The following PC variants were observed in gnomAD, a reference collection of about 807,000 sequenced individuals.
PC encodes pyruvate carboxylase, also known as pyruvate carboxylase, mitochondrial.
A neutral mutation model predicts 107.8 loss-of-function variants in PC; 46 were observed. The observed-to-expected ratio is 0.43, with a 90% CI of 0.34 to 0.55. The LOEUF (loss-of-function observed/expected upper bound fraction) is 0.55, where lower values mean the gene tolerates loss of function less well. PC is among the 20% of genes least tolerant of loss of function. The pLI, the probability that PC is intolerant of heterozygous loss-of-function variation, is 0.04. For missense variants in PC, 1,241 were observed against 1,643.1 expected (o/e 0.76, Z 4.23); for synonymous variants, 662 against 684.7 (o/e 0.97, Z 0.52).
At chr11:66,863,671 GGCT>G in intron 12 of PC, 100 bp downstream of exon 12, 1 of 1,252,796 alleles carries the variant, frequency 8.0e-7, no homozygotes, top group Non-Finnish European at 1.1e-6. Flanking sequence ...TCAGGGGCAA[GGCT>G]GAGGTGAAGC....
chr11:66,849,393 C>CA (rs1565208158), intron 21 of PC, 23 bp from the exon 22 acceptor site: 1 of 1,611,524 alleles, frequency 6.2e-7, no homozygotes. Flanking sequence ...TGTGCAGACT[C>CA]AGAGCTGGAC....
intron 3 of PC, among the ~76,000 whole-genome samples, chr11:66,911,766 C>A (rs188060868): frequency 1.3e-3 from 195 of 152,278 alleles, no homozygotes; most frequent in African/African-American, 4.5e-3. Flanking sequence ...GGCATGGCGG[C>A]TCACACCTGT....
At chr11:66,886,455 C>T (rs907139049) in intron 3 of PC, among the ~76,000 whole-genome samples, 4 of 143,920 alleles carry the variant, frequency 2.8e-5, no homozygotes, top group African/African-American at 8.0e-5. Flanking sequence ...CAACTGAGAG[C>T]TCAGGACCAC....
In PC at chr11:66,871,558, C is replaced by A. The variant is rs978200232; in HGVS notation, c.322-78G>T. The A allele has an allele frequency of 1.9e-6, 3 of 1,597,430 alleles. No individual in the cohort carries two copies. Among genetic ancestry groups the A allele is most frequent in the Admixed American group, 1.7e-5 (1 of 59,926 alleles). On this transcript the variant is annotated intron_variant, in intron 5 of 22. Coordinates refer to ENST00000393960, the MANE Select transcript of PC (RefSeq NM_001040716.2). This position sits in a 1 kb window ranked among gnomAD's most constrained non-coding sequence, Gnocchi z 7.4. ...TCGGCCAGCCTCTTCCCCTGCCTAA[C>A]CTGCTGAGCTGCATCCGTTTACCCA...
chr11:66,849,500 G>A (rs1945341370), intron 21 of PC, 111 bp downstream of exon 21: 1 of 1,605,882 alleles, frequency 6.2e-7, no homozygotes, highest in South Asian at 1.1e-5. Context: ...CCGGTCTCAA[G>A]GGTCCTTTCT....
chr11:66,877,559 C>T (rs1026446206), intron 3 of PC, among the ~76,000 whole-genome samples: 8 of 152,292 alleles, frequency 5.3e-5, no homozygotes, highest in Non-Finnish European at 1.2e-4. Flanking sequence ...GGCATGGTGG[C>T]GGGTTATGCC....
intron 3 of PC, among the ~76,000 whole-genome samples, chr11:66,946,512 C>T (rs1378321223): frequency 6.6e-6 from 1 of 151,934 alleles, no homozygotes; most frequent in African/African-American, 2.4e-5. Context: ...CCCAGCTACT[C>T]GGGAGGCTGA....
At chr11:66,859,620 C>T (rs757055957) in intron 12 of PC, 1 of 1,612,570 alleles carries the variant, frequency 6.2e-7, no homozygotes, top group Non-Finnish European at 8.5e-7. Context: ...GCTCTGACCA[C>T]CTGCCCTTGC....
chr11:66,860,517 G>A (rs1946196999), intron 12 of PC: 1 of 702,266 alleles, frequency 1.4e-6, no homozygotes, highest in African/African-American at 1.7e-5. Context: ...CCCCGAGACG[G>A]GAGGACAGGA....
chr11:66,922,687 T>C (rs1591286559), intron 3 of PC, among the ~76,000 whole-genome samples: 2 of 151,992 alleles, frequency 1.3e-5, no homozygotes, highest in South Asian at 4.2e-4. Flanking sequence ...TTTCTGTCTC[T>C]GGCCCAGATC....
chr11:66,848,743 G>C lies in PC; in HGVS notation c.*156C>G. On this transcript the variant is annotated 3_prime_UTR_variant, in exon 23 of 23. Coordinates refer to ENST00000393960, the MANE Select transcript of PC (RefSeq NM_001040716.2). ...GGAAAGGACGATGGCTGAAAGGAAT[G>C]AACCACCGCAGGCGGTGTCTCTCCT... 1.2e-6 allele frequency: 1 copy of C among 845,506 alleles called. No homozygotes were observed. Among genetic ancestry groups the C allele is most frequent in the Admixed American group, 2.1e-5 (1 of 46,740 alleles). The allele number at this position is 845,506 out of a possible 1,614,324, so 52.4% of individuals were successfully genotyped here.
At chr11:66,880,314 G>A (rs1276548637) in intron 3 of PC, among the ~76,000 whole-genome samples, 2 of 152,204 alleles carry the variant, frequency 1.3e-5, no homozygotes, top group African/African-American at 4.8e-5. Context: ...GGTATGCTGA[G>A]CTTGAGGGGT....
chr11:66,891,653 A>G (rs1947582519), intron 3 of PC, among the ~76,000 whole-genome samples: 1 of 152,198 alleles, frequency 6.6e-6, no homozygotes, highest in South Asian at 2.1e-4. Flanking sequence ...CAGCCTCCCA[A>G]AGTGCTGGGA....
At position 66,850,467 on chromosome 11, in the gene PC, G is replaced by A; in HGVS notation, c.2474-3C>T. 1 of 1,613,904 alleles carries A rather than the reference G, an allele frequency of 6.2e-7. No homozygotes were observed. The highest frequency in any genetic ancestry group is 1.1e-5 in the South Asian group (1 of 91,084). On this transcript the variant is annotated splice_polypyrimidine_tract_variant and splice_region_variant and intron_variant, in intron 18 of 22. Transcript: ENST00000393960. Reference sequence around the variant, plus strand: ...AAACACGCGCTCCATGGGCACCTCTGCAGGGAGGCCAGAGTCAGAGGAGGC... The same window carrying A: ...AAACACGCGCTCCATGGGCACCTCTACAGGGAGGCCAGAGTCAGAGGAGGC...
intron 3 of PC, among the ~76,000 whole-genome samples, chr11:66,879,012 A>G (rs1947086109): frequency 1.3e-5 from 2 of 152,204 alleles, no homozygotes; most frequent in South Asian, 4.1e-4. Context: ...CTGAGACAGT[A>G]CAGCTAAAGC....
chr11:66,858,552 G>A lies in PC; in HGVS notation c.1369-5169C>T. 6.5e-7 allele frequency: 1 copy of A among 1,533,756 alleles called. No individual in the cohort carries two copies. The highest frequency in any genetic ancestry group is 8.7e-7 in the Non-Finnish European group (1 of 1,145,002). On this transcript the variant is annotated intron_variant, in intron 12 of 22. Coordinates refer to ENST00000393960, the MANE Select transcript of PC (RefSeq NM_001040716.2). This position sits in a 1 kb window ranked among gnomAD's most constrained non-coding sequence, Gnocchi z 5.9. ...CGGCCTGGCCGGCCGCTACTTCTGG[G>A]CAGTGCCCGAGGGCGAGTTCTCCTG...
At position 66,849,304 on chromosome 11, in the gene PC, C is replaced by T. The variant is rs768048602; in HGVS notation, c.3214G>A (p.Gly1072Ser). 1.7e-5 allele frequency: 28 copies of T among 1,613,542 alleles called. No individual in the cohort carries two copies. The highest frequency in any genetic ancestry group is 3.3e-5 in the South Asian group (3 of 91,092). ...ALAVSDLNRA[G>S]QRQVFFELNG... ...AGCTCAAAGAAGACCTGCCTCTGGC[C>T]GGCCCGGTTCAGGTCGCTCACGGCC... is the stretch of plus-strand genomic sequence containing the variant. The change falls in exon 22 of 23, where the codon GGC becomes AGC. Residue 1072 changes from glycine to serine, a missense_variant. Coordinates refer to ENST00000393960, the MANE Select transcript of PC (RefSeq NM_001040716.2).
chr11:66,903,506 G>A (rs1157175183), intron 3 of PC, among the ~76,000 whole-genome samples: 3 of 151,092 alleles, frequency 2.0e-5, no homozygotes, highest in Non-Finnish European at 4.4e-5. Context: ...TTGGGAAGCC[G>A]AGGCAGGTGG....
chr11:66,951,980 C>T (rs946626109), intron 3 of PC, among the ~76,000 whole-genome samples: 9 of 152,162 alleles, frequency 5.9e-5, no homozygotes, highest in South Asian at 2.1e-4. Context: ...CCTTTTTCCC[C>T]GTTGTTACCG....
Sources: gnomAD v4.1 joint callset for allele counts (sites outside exome capture counted in the v4.1 genomes callset) on GRCh38, gnomAD v4.1.1 for gene constraint, Gnocchi (gnomAD v3.1) non-coding constraint, MANE v1.5 for transcripts, NCBI Gene and HGNC (gene_info 2026-07-23, HGNC 2026-07-21) for gene names.